Variants in PRIM1 observed in about 807,000 individuals in gnomAD.
PRIM1 encodes the protein DNA primase subunit 1, also known as DNA primase small subunit.
In PRIM1, 38 loss-of-function variants were observed where a neutral mutation model predicts 60.2. That is an observed-to-expected ratio of 0.63 (90% confidence interval 0.49 to 0.83). The LOEUF is 0.83. PRIM1 is among the 40% of genes least tolerant of loss of function. The pLI is 0.00. For synonymous variants in PRIM1, 158 were observed against 160.2 expected (o/e 0.99, Z 0.10); for missense variants, 388 against 506.2 (o/e 0.77, Z 2.24).
chr12:56,741,622 G>A (rs1385908693), intron 8 of PRIM1, 46 bp from the exon 9 acceptor site: 1 of 1,585,680 alleles, frequency 6.3e-7, no homozygotes, highest in African/African-American at 1.4e-5. Flanking sequence ...AGGAACTGTT[G>A]AAGATTTCTT....
chr12:56,738,521 T>C lies in PRIM1; in HGVS notation c.1057A>G (p.Ile353Val). 1 of 1,574,902 alleles carries C rather than the reference T, an allele frequency of 6.3e-7. No homozygotes were observed. Among genetic ancestry groups the C allele is most frequent in the Non-Finnish European group, 8.6e-7 (1 of 1,158,918 alleles). The change falls in exon 11 of 13, where the codon ATC (isoleucine) becomes GTC (valine). Residue 353 changes from isoleucine to valine, a missense_variant. Ile to Val is a conservative substitution (Grantham distance 29). Coordinates refer to ENST00000338193, the MANE Select transcript of PRIM1 (RefSeq NM_000946.3). The stretch of plus-strand genomic sequence containing the variant: ...GAAATGGCATCCAATTCACGGCAGA[T>C]GAAGCTGCAAGTAACAGAACAAGAG... Reference protein sequence around the residue: ...DPFTVPTISFICRELDAISTN... With the variant: ...DPFTVPTISFVCRELDAISTN...
chr12:56,750,588 C>G (rs1243929581), intron 2 of PRIM1, among the ~76,000 whole-genome samples: 2 of 151,350 alleles, frequency 1.3e-5, no homozygotes, highest in Admixed American at 6.6e-5. Context: ...TCTTTTATTT[C>G]CCTCTTTTTT....
At chr12:56,747,124 A>G in intron 2 of PRIM1, 92 bp from the exon 3 acceptor site, 1 of 985,984 alleles carries the variant, frequency 1.0e-6, no homozygotes, top group Non-Finnish European at 1.5e-6. Context: ...GTTGCCAAAC[A>G]GAAATAAAGA....
intron 1 of PRIM1, 189 bp from the exon 2 acceptor site, chr12:56,751,384 A>T: frequency 2.5e-6 from 1 of 406,544 alleles, no homozygotes; most frequent in Non-Finnish European, 4.4e-6. Flanking sequence ...GGTTCAAGGG[A>T]TCCTACCACC....
intron 1 of PRIM1, 63 bp from the exon 2 acceptor site, chr12:56,751,258 T>C (rs1277573960): frequency 8.0e-7 from 1 of 1,243,504 alleles, no homozygotes; most frequent in Non-Finnish European, 1.1e-6. Context: ...GGCATTATAA[T>C]TTTAGCCAAT....
chr12:56,746,881 G>T, intron 3 of PRIM1, 27 bp from the exon 4 acceptor site: 1 of 1,613,278 alleles, frequency 6.2e-7, no homozygotes, highest in Non-Finnish European at 8.5e-7. Flanking sequence ...ATTACTCATT[G>T]TCAGTGATAC....
At chr12:56,742,314 T>G (rs1953878253) in intron 7 of PRIM1, among the ~76,000 whole-genome samples, 1 of 151,622 alleles carries the variant, frequency 6.6e-6, no homozygotes. Context: ...CCGGGCACAG[T>G]GGCTCATGCC....
At chr12:56,736,861 G>A (rs1181749181) in intron 11 of PRIM1, among the ~76,000 whole-genome samples, 2 of 152,040 alleles carry the variant, frequency 1.3e-5, no homozygotes, top group Non-Finnish European at 1.5e-5. Context: ...GAGTACAGTG[G>A]TGTGGTCAAG....
At chr12:56,746,702 A>G (rs1235163924) in intron 4 of PRIM1, 79 bp downstream of exon 4, 1 of 1,226,196 alleles carries the variant, frequency 8.2e-7, no homozygotes, top group Admixed American at 1.9e-5. Flanking sequence ...ATCACAAAAT[A>G]CAGAGACTAA....
rs768914341 is a variant in PRIM1 at position 56,731,690 on chromosome 12, C to G, written c.*25G>C. The stretch of plus-strand genomic sequence containing the variant: ...TCTGTGGTTGAAGGCAGAAGATATC[C>G]ACAATGGTTTGAGGAGCTCTGTCTT... On this transcript the variant is annotated 3_prime_UTR_variant, in exon 13 of 13. Transcript: ENST00000338193. The G allele has an allele frequency of 3.6e-5, 54 of 1,505,048 alleles. No homozygotes were observed. The highest frequency in any genetic ancestry group is 4.8e-5 in the Non-Finnish European group (53 of 1,109,358). The allele number at this position is 1,505,048 out of a possible 1,614,324, so 93.2% of individuals were successfully genotyped here. A position where few individuals can be genotyped will look rare whatever the true frequency, so the allele number is the denominator to read the frequency against.
chr12:56,746,499 C>T (rs781283583), intron 4 of PRIM1: 10 of 555,958 alleles, frequency 1.8e-5, no homozygotes, highest in African/African-American at 3.8e-5. Flanking sequence ...GGCGTGGTGG[C>T]GTGCGCCTGT....
chr12:56,734,567 T>G (rs1303793129), intron 11 of PRIM1, among the ~76,000 whole-genome samples: 1 of 138,668 alleles, frequency 7.2e-6, no homozygotes, highest in Non-Finnish European at 1.6e-5. Flanking sequence ...GCCCAACCAA[T>G]TTTTTTTTTT....
intron 11 of PRIM1, among the ~76,000 whole-genome samples, chr12:56,734,846 C>G (rs1230007146): frequency 1.4e-5 from 2 of 140,480 alleles, no homozygotes; most frequent in South Asian, 2.2e-4. Context: ...GAGTGTCACT[C>G]TGTTGCCCAG....
intron 7 of PRIM1, 180 bp from the exon 8 acceptor site, chr12:56,742,017 C>T (rs548589890): frequency 1.6e-5 from 10 of 631,348 alleles, no homozygotes; most frequent in African/African-American, 1.3e-4. Flanking sequence ...CTTTGGGAGG[C>T]AGAGGTGGGT....
chr12:56,752,054 G>A (rs1367403069), intron 1 of PRIM1, 142 bp downstream of exon 1: 5 of 482,486 alleles, frequency 1.0e-5, no homozygotes, highest in Non-Finnish European at 1.9e-5. Context: ...CTATGAAGTG[G>A]TGGGGCGGGC....
chr12:56,738,004 C>T (rs571836940), intron 11 of PRIM1, among the ~76,000 whole-genome samples: 32 of 152,264 alleles, frequency 2.1e-4, no homozygotes, highest in Non-Finnish European at 4.0e-4. Flanking sequence ...GGATTACAGG[C>T]GTGAGCCACT....
At chr12:56,737,420 G>A (rs145330692) in intron 11 of PRIM1, among the ~76,000 whole-genome samples, 4,512 of 151,386 alleles carry the variant, frequency 0.03, 108 homozygotes, top group Non-Finnish European at 0.046. Flanking sequence ...CGTGATCTTG[G>A]CTCACCGCAA....
intron 2 of PRIM1, among the ~76,000 whole-genome samples, chr12:56,748,824 G>C (rs1380655541): frequency 6.6e-6 from 1 of 151,906 alleles, no homozygotes; most frequent in Admixed American, 6.6e-5. Context: ...AAGTGTGGTG[G>C]TATGCGCCTA....
chr12:56,748,962 G>T (rs1233976362), intron 2 of PRIM1, among the ~76,000 whole-genome samples: 1 of 148,310 alleles, frequency 6.7e-6, no homozygotes, highest in Non-Finnish European at 1.5e-5. Context: ...CTCAACAAAA[G>T]AAAGAAAGAA....
Sources: allele counts gnomAD v4.1 joint callset (sites outside exome capture counted in the v4.1 genomes callset), GRCh38; gene constraint gnomAD v4.1.1; transcripts MANE v1.5; gene names NCBI Gene and HGNC (gene_info 2026-07-23, HGNC 2026-07-21).